Variants in AOPEP observed in about 807,000 individuals in gnomAD.
AOPEP encodes aminopeptidase O.
In AOPEP, 77 loss-of-function variants were observed where a neutral mutation model predicts 98.1. That is an observed-to-expected ratio of 0.78 (90% confidence interval 0.65 to 0.95). AOPEP has a LOEUF of 0.95. Ranked by LOEUF, AOPEP falls within the 40% of genes least tolerant of loss-of-function variation. The probability of loss-of-function intolerance (pLI) is 0.00; values close to 1 mark genes in which losing one functional copy is unlikely to be tolerated. For missense variants in AOPEP, 1,024 were observed against 1,024.7 expected (o/e 1.00, Z 0.01); for synonymous variants, 346 against 365.3 (o/e 0.95, Z 0.60).
intron 3 of AOPEP, 199 bp downstream of exon 3, chr9:94,773,367 C>T (rs1422566389): frequency 2.2e-6 from 1 of 452,952 alleles, no homozygotes; most frequent in Non-Finnish European, 4.0e-6. Flanking sequence ...GGATTTGGGG[C>T]TCTTCATACT....
chr9:94,744,016 G>A (rs1487943777), intron 1 of AOPEP, among the ~76,000 whole-genome samples: 1 of 152,126 alleles, frequency 6.6e-6, no homozygotes, highest in Non-Finnish European at 1.5e-5. Context: ...TCCACACTCG[G>A]TAAAAATGAA....
chr9:95,101,325 A>C, the AOPEP span: 1 of 359,128 alleles, frequency 2.8e-6, no homozygotes, highest in Non-Finnish European at 5.2e-6. Flanking sequence ...ATGGTTCATG[A>C]CCAAATTCTT....
At chr9:95,032,482 T>A (rs996004147) in intron 13 of AOPEP, among the ~76,000 whole-genome samples, 3 of 151,806 alleles carry the variant, frequency 2.0e-5, no homozygotes, top group African/African-American at 7.3e-5. Flanking sequence ...AGCCAGAGAG[T>A]GAAATGTGAA....
the AOPEP span, among the ~76,000 whole-genome samples, chr9:95,149,505 G>A: frequency 1.3e-5 from 2 of 150,300 alleles, no homozygotes; most frequent in Non-Finnish European, 3.0e-5. Flanking sequence ...TTGAGATGGA[G>A]TCTCGCTCTG....
chr9:95,101,658 T>C, the AOPEP span: 1 of 1,610,138 alleles, frequency 6.2e-7, no homozygotes, highest in Non-Finnish European at 8.5e-7. Flanking sequence ...CCTGTGGCCC[T>C]GGCGAGCCTG....
At chr9:94,779,469 G>T (rs548460120) in intron 3 of AOPEP, among the ~76,000 whole-genome samples, 2 of 152,176 alleles carry the variant, frequency 1.3e-5, no homozygotes, top group South Asian at 4.2e-4. Context: ...AGAGGGAAAG[G>T]TCTCATGATT....
chr9:95,023,613 C>G, intron 13 of AOPEP, among the ~76,000 whole-genome samples: 1 of 152,142 alleles, frequency 6.6e-6, no homozygotes, highest in Non-Finnish European at 1.5e-5. Context: ...TGGTTATCCA[C>G]AAAAAAATGC....
intron 11 of AOPEP, among the ~76,000 whole-genome samples, chr9:94,992,448 C>T (rs1045757100): frequency 6.6e-6 from 1 of 152,204 alleles, no homozygotes; most frequent in African/African-American, 2.4e-5. Context: ...TGGTGCATAA[C>T]ATGCAAGACA....
intron 16 of AOPEP, chr9:95,085,177 G>A (rs770519685): frequency 6.3e-5 from 29 of 458,306 alleles, no homozygotes; most frequent in South Asian, 4.3e-4. Flanking sequence ...CGGAAGCCCA[G>A]TGTGTGCAGA....
intron 2 of AOPEP, among the ~76,000 whole-genome samples, chr9:94,766,351 A>T (rs1839604637): frequency 6.6e-6 from 1 of 152,172 alleles, no homozygotes. Flanking sequence ...ATCCTGGCTG[A>T]TGAGGTGAAA....
intron 13 of AOPEP, among the ~76,000 whole-genome samples, chr9:95,020,662 A>G (rs2133164972): frequency 6.6e-6 from 1 of 152,128 alleles, no homozygotes; most frequent in South Asian, 2.1e-4. Flanking sequence ...TCACGCCTAT[A>G]GTTTCAGCAC....
At chr9:94,861,441 C>G (rs1343595319) in intron 5 of AOPEP, among the ~76,000 whole-genome samples, 5 of 152,154 alleles carry the variant, frequency 3.3e-5, no homozygotes, top group Non-Finnish European at 2.9e-5. Context: ...ACAGAGTCAT[C>G]ATTAGTGCCA....
chr9:94,955,259 A>G lies in AOPEP; in HGVS notation c.1744A>G (p.Met582Val). 1 of 1,612,334 alleles carries G rather than the reference A, an allele frequency of 6.2e-7. No homozygotes were observed. Among genetic ancestry groups the G allele is most frequent in the Non-Finnish European group, 8.5e-7 (1 of 1,178,870 alleles). Reference protein sequence around the residue: ...KHGLNPEKIFMQVHYLKGYFL... With the variant: ...KHGLNPEKIFVQVHYLKGYFL... ...TGGACTTAATCCGGAGAAGATCTTC[A>G]TGCAGGTGCATTATTTAAAGGTAAG... Residue 582 changes from methionine to valine, a missense_variant, in exon 8 of 17, where the codon ATG becomes GTG. Physicochemically the swap from Met to Val is conservative, Grantham distance 21 (BLOSUM62 1). Coordinates refer to ENST00000375315, the MANE Select transcript of AOPEP (RefSeq NM_001193329.3).
At chr9:95,017,685 CACAG>C (rs974040273) in intron 13 of AOPEP, among the ~76,000 whole-genome samples, 17 of 152,166 alleles carry the variant, frequency 1.1e-4, no homozygotes, top group African/African-American at 4.1e-4. Flanking sequence ...GAAATTCATC[CACAG>C]ACAGTTTGTT....
chr9:94,773,742 A>T (rs1188159230), intron 3 of AOPEP, among the ~76,000 whole-genome samples: 1 of 152,128 alleles, frequency 6.6e-6, no homozygotes, highest in African/African-American at 2.4e-5. Context: ...TTCAGTGGAG[A>T]TCCTGAGCAT....
At chr9:95,003,420 C>T (rs1270620942) in intron 11 of AOPEP, among the ~76,000 whole-genome samples, 1 of 152,160 alleles carries the variant, frequency 6.6e-6, no homozygotes, top group Non-Finnish European at 1.5e-5. Flanking sequence ...TGGCTCATAT[C>T]ACAGTTTCTG....
In AOPEP at chr9:95,060,714, C is replaced by T; in HGVS notation, c.2136C>T (p.Val712=). ...TTTAGCTTCTTCCAGACCAGCTGGTCTTGCTTCTGGAGCATCTCTTGGAGC... is the reference window on the plus strand; with the variant it reads ...TTTAGCTTCTTCCAGACCAGCTGGTTTTGCTTCTGGAGCATCTCTTGGAGC... ...VFEKLLPDQL[V]LLLEHLLEQK... is the part of the protein sequence containing the mutation. Residue 712 remains valine, a synonymous_variant, in exon 14 of 17, where the codon GTC becomes GTT. Coordinates refer to ENST00000375315, the MANE Select transcript of AOPEP (RefSeq NM_001193329.3). 1 of 1,613,942 alleles carries T rather than the reference C, an allele frequency of 6.2e-7. No homozygotes were observed. Among genetic ancestry groups the T allele is most frequent in the South Asian group, 1.1e-5 (1 of 91,078 alleles).
At chr9:95,141,984 G>GTTTTTT in the AOPEP span, among the ~76,000 whole-genome samples, 1 of 97,766 alleles carries the variant, frequency 1.0e-5, no homozygotes, top group Non-Finnish European at 2.1e-5. Flanking sequence ...CAGTTTGTGG[G>GTTTTTT]GTTTTTTTTT....
At chr9:94,887,524 T>C (rs1028384657) in intron 5 of AOPEP, among the ~76,000 whole-genome samples, 1 of 152,156 alleles carries the variant, frequency 6.6e-6, no homozygotes, top group African/African-American at 2.4e-5. Flanking sequence ...AAGATGGGGC[T>C]TCTACTACTT....
Sources: allele counts gnomAD v4.1 joint callset (sites outside exome capture counted in the v4.1 genomes callset), GRCh38; gene constraint gnomAD v4.1.1; transcripts MANE v1.5; gene names NCBI Gene and HGNC (gene_info 2026-07-23, HGNC 2026-07-21).